Variants in RSRC1 observed in about 807,000 individuals in gnomAD.
The protein encoded by RSRC1 is arginine and serine rich coiled-coil 1.
RSRC1 carries 39 observed loss-of-function variants against 49.1 expected under a neutral mutation model. The ratio of observed to expected loss-of-function variants is 0.79; its 90% CI spans 0.61 to 1.04. The LOEUF is 1.04. RSRC1 is among the 50% of genes least tolerant of loss of function. The pLI, the probability that RSRC1 is intolerant of heterozygous loss-of-function variation, is 0.00. For missense variants in RSRC1, 388 were observed against 402.4 expected (o/e 0.96, Z 0.31); for synonymous variants, 143 against 130.8 (o/e 1.09, Z -0.63).
intron 6 of RSRC1, among the ~76,000 whole-genome samples, chr3:158,413,016 A>C (rs188740934): frequency 2.6e-5 from 4 of 152,316 alleles, no homozygotes; most frequent in Admixed American, 2.6e-4. Flanking sequence ...GAACCAAAAA[A>C]GAGTCTGCAT....
intron 3 of RSRC1, among the ~76,000 whole-genome samples, chr3:158,132,489 A>C (rs762754907): frequency 2.0e-5 from 3 of 152,172 alleles, no homozygotes; most frequent in Non-Finnish European, 4.4e-5. Context: ...GAAAGATTGG[A>C]CTACATTTTA....
chr3:158,489,486 A>G (rs1394722024), intron 7 of RSRC1, among the ~76,000 whole-genome samples: 1 of 152,134 alleles, frequency 6.6e-6, no homozygotes, highest in Non-Finnish European at 1.5e-5. Flanking sequence ...TTGACATTTT[A>G]TAAAGAAAAA....
chr3:158,287,659 A>G (rs1194196055), intron 4 of RSRC1, among the ~76,000 whole-genome samples: 10 of 152,212 alleles, frequency 6.6e-5, no homozygotes, highest in Admixed American at 6.5e-4. Context: ...GACAACCGGA[A>G]GCTATTTACA....
At chr3:158,535,934 T>C (rs1440824454) in intron 7 of RSRC1, among the ~76,000 whole-genome samples, 1 of 151,490 alleles carries the variant, frequency 6.6e-6, no homozygotes, top group Admixed American at 6.6e-5. Flanking sequence ...ATGTTCATTA[T>C]AGAAAAATCA....
At chr3:158,333,712 T>G (rs1559997969) in intron 5 of RSRC1, among the ~76,000 whole-genome samples, 1 of 152,274 alleles carries the variant, frequency 6.6e-6, no homozygotes, top group East Asian at 1.9e-4. Context: ...AGATAGAAAT[T>G]ATAACTTGGA....
At chr3:158,328,329 G>A (rs1326117380) in intron 5 of RSRC1, among the ~76,000 whole-genome samples, 3 of 152,118 alleles carry the variant, frequency 2.0e-5, no homozygotes, top group African/African-American at 2.4e-5. Context: ...TCCTAGCATC[G>A]ATGGTCTTTA....
At chr3:158,285,208 A>G (rs577876652) in intron 4 of RSRC1, among the ~76,000 whole-genome samples, 269 of 152,198 alleles carry the variant, frequency 1.8e-3, no homozygotes, top group African/African-American at 6.2e-3. Flanking sequence ...AGTTGTAGTT[A>G]TTCGGCGTTA....
intron 3 of RSRC1, among the ~76,000 whole-genome samples, chr3:158,198,491 T>G (rs1215593305): frequency 1.3e-5 from 2 of 152,182 alleles, no homozygotes; most frequent in African/African-American, 4.8e-5. Flanking sequence ...CCATTTATAT[T>G]TAAGGTTAAT....
chr3:158,381,820 GA>G (rs1392151005), intron 6 of RSRC1, among the ~76,000 whole-genome samples: 2 of 152,140 alleles, frequency 1.3e-5, no homozygotes, highest in Non-Finnish European at 2.9e-5. Flanking sequence ...ACCGTAAATA[GA>G]CTTTGTAGGT....
In RSRC1 at chr3:158,127,535, A is replaced by C. The variant is rs1250932181; in HGVS notation, c.320+3544A>C. On this transcript the variant is annotated intron_variant, in intron 3 of 9. Transcript: ENST00000611884. ...AGCATTTTTGCTTTTTTTTTATGTA[A>C]TTTCTCTTTGTTGATAGTCTTGATT... is the stretch of plus-strand genomic sequence containing the variant. Among the ~76,000 whole-genome samples the C allele has an allele frequency of 2.0e-5, 3 of 150,434 alleles. No homozygotes were observed. In the East Asian group the frequency reaches 5.9e-4, roughly 29 times the overall value.
chr3:158,434,247 C>T (rs575361874), intron 6 of RSRC1, among the ~76,000 whole-genome samples: 1 of 151,928 alleles, frequency 6.6e-6, no homozygotes, highest in East Asian at 1.9e-4. Context: ...AAGTAATTTG[C>T]TAGCAATTTT....
chr3:158,327,581 A>C (rs1484563502), intron 5 of RSRC1, among the ~76,000 whole-genome samples: 3 of 152,102 alleles, frequency 2.0e-5, no homozygotes, highest in Non-Finnish European at 4.4e-5. Context: ...GTTTGATTGC[A>C]CTGTGGTCTG....
chr3:158,325,408 T>A (rs1470238704), intron 5 of RSRC1, among the ~76,000 whole-genome samples: 4 of 152,224 alleles, frequency 2.6e-5, no homozygotes, highest in Admixed American at 6.5e-5. Context: ...TTTTTGTATA[T>A]GGTGTAAGGA....
At chr3:158,370,971 T>C (rs1162270073) in intron 6 of RSRC1, among the ~76,000 whole-genome samples, 1 of 151,898 alleles carries the variant, frequency 6.6e-6, no homozygotes, top group Non-Finnish European at 1.5e-5. Flanking sequence ...TTCTGTTTAA[T>C]TTTTGCCATT....
chr3:158,438,824 C>G (rs1267748743), intron 6 of RSRC1, among the ~76,000 whole-genome samples: 1 of 152,096 alleles, frequency 6.6e-6, no homozygotes, highest in African/African-American at 2.4e-5. Context: ...CAAATGGGAT[C>G]TAATTAAACT....
chr3:158,284,328 T>C (rs953842492), intron 4 of RSRC1, among the ~76,000 whole-genome samples: 10 of 151,262 alleles, frequency 6.6e-5, no homozygotes, highest in Non-Finnish European at 1.2e-4. Context: ...GTCTTTGCTA[T>C]TGTGAATAGT....
chr3:158,358,379 A>G (rs928310652), intron 6 of RSRC1, among the ~76,000 whole-genome samples: 2 of 152,166 alleles, frequency 1.3e-5, no homozygotes, highest in South Asian at 2.1e-4. Flanking sequence ...CTAGATGCCA[A>G]ACATTTCACT....
intron 7 of RSRC1, among the ~76,000 whole-genome samples, chr3:158,474,099 A>G (rs1221186748): frequency 3.3e-5 from 5 of 152,168 alleles, no homozygotes; most frequent in Non-Finnish European, 5.9e-5. Flanking sequence ...TTCAACACAA[A>G]TCACTAACCA....
intron 3 of RSRC1, among the ~76,000 whole-genome samples, chr3:158,142,779 C>A (rs60265176): frequency 0.57 from 85,825 of 151,334 alleles, 24,597 homozygotes; most frequent in East Asian, 0.7. Context: ...CACCAGGGTC[C>A]ACCTCCAACA....
Sources: gnomAD v4.1 joint callset for allele counts (sites outside exome capture counted in the v4.1 genomes callset) on GRCh38, gnomAD v4.1.1 for gene constraint, MANE v1.5 for transcripts, NCBI Gene and HGNC (gene_info 2026-07-23, HGNC 2026-07-21) for gene names.